FTO: variants seen among roughly 807,000 people sequenced by gnomAD.
FTO encodes the protein alpha-ketoglutarate-dependent dioxygenase FTO.
Under a neutral mutation model 63.9 loss-of-function variants are expected in FTO, and 47 were observed. That is an observed-to-expected ratio of 0.74 (90% CI 0.58 to 0.94). The LOEUF (loss-of-function observed/expected upper bound fraction) is 0.94, where lower values mean the gene tolerates loss of function less well. FTO is among the 40% of genes least tolerant of loss of function. The pLI is 0.00. For missense variants in FTO, 562 were observed against 618.1 expected, an observed-to-expected ratio of 0.91 and a Z score of 0.96; for synonymous variants, 207 against 224.4, an observed-to-expected ratio of 0.92 and a Z score of 0.69.
intron 8 of FTO, among the ~76,000 whole-genome samples, chr16:54,006,053 A>G (rs1280750366): frequency 5.3e-5 from 8 of 152,226 alleles, no homozygotes; most frequent in African/African-American, 1.4e-4. Flanking sequence ...TTTTATGATG[A>G]GCAGTTCCAG....
rs1033884403 is a variant in FTO at position 54,002,103 on chromosome 16, T to C, written c.1364+67994T>C. Among the ~76,000 whole-genome samples, 5 of 152,232 alleles carry C rather than the reference T, an allele frequency of 3.3e-5. No individual in the cohort carries two copies. In the East Asian group the frequency reaches 5.8e-4, roughly 18 times the overall value. ...CATTGACAGTGTCCAGCAGTCCTTT[T>C]ATCTGTTATAAAGCTAAATGCATGT... On this transcript the variant is annotated intron_variant, in intron 8 of 8. Transcript: ENST00000471389.
At chr16:53,830,427 C>T (rs1478358821) in intron 3 of FTO, among the ~76,000 whole-genome samples, 1 of 152,204 alleles carries the variant, frequency 6.6e-6, no homozygotes, top group Non-Finnish European at 1.5e-5. Flanking sequence ...TTGACTGGAA[C>T]ACCTTCAGAA....
chr16:53,822,341 G>A (rs1272906474), intron 2 of FTO, among the ~76,000 whole-genome samples: 1 of 152,024 alleles, frequency 6.6e-6, no homozygotes, highest in East Asian at 1.9e-4. Context: ...TCCAATATAA[G>A]AAGTATCTTC....
At chr16:53,760,265 T>G in intron 1 of FTO, among the ~76,000 whole-genome samples, 1 of 95,884 alleles carries the variant, frequency 1.0e-5, no homozygotes, top group Admixed American at 1.1e-4. Context: ...TGTGTGTTTT[T>G]TGGAGACAGG....
intron 7 of FTO, among the ~76,000 whole-genome samples, chr16:53,895,558 C>T (rs1178460957): frequency 1.3e-5 from 2 of 152,206 alleles, no homozygotes; most frequent in Non-Finnish European, 2.9e-5. Context: ...CTTAAAGCTG[C>T]TACAGCCTAC....
At chr16:54,058,377 C>A (rs1366820032) in intron 8 of FTO, among the ~76,000 whole-genome samples, 1 of 152,196 alleles carries the variant, frequency 6.6e-6, no homozygotes, top group Non-Finnish European at 1.5e-5. Flanking sequence ...CCCACCTCAG[C>A]CTCCCAAAGT....
intron 8 of FTO, among the ~76,000 whole-genome samples, chr16:54,073,011 T>G (rs1453036603): frequency 1.3e-5 from 2 of 152,194 alleles, no homozygotes; most frequent in African/African-American, 4.8e-5. Flanking sequence ...AGAAGGACCT[T>G]ATTAGGCTGT....
At chr16:53,756,309 T>C (rs986718669) in intron 1 of FTO, among the ~76,000 whole-genome samples, 1 of 152,196 alleles carries the variant, frequency 6.6e-6, no homozygotes, top group Non-Finnish European at 1.5e-5. Flanking sequence ...CCTTCCAGTG[T>C]TGGTGGCAGC....
At chr16:53,823,160 A>G (rs2078912801) in intron 2 of FTO, among the ~76,000 whole-genome samples, 2 of 152,212 alleles carry the variant, frequency 1.3e-5, no homozygotes, top group Non-Finnish European at 2.9e-5. Context: ...TGTCATTGCC[A>G]TCAGTGATTT....
intron 7 of FTO, among the ~76,000 whole-genome samples, chr16:53,906,529 G>A (rs1204564597): frequency 6.6e-6 from 1 of 152,332 alleles, no homozygotes; most frequent in East Asian, 1.9e-4. Context: ...TAAGGTGGAA[G>A]ATGATGTTGA....
At chr16:53,718,899 T>C (rs74018190) in intron 1 of FTO, among the ~76,000 whole-genome samples, 3,693 of 152,270 alleles carry the variant, frequency 0.024, 112 homozygotes, top group Middle Eastern at 0.078. Flanking sequence ...GGGATTCTTA[T>C]GGAAACCGCA....
intron 8 of FTO, among the ~76,000 whole-genome samples, chr16:53,951,973 T>C (rs757172963): frequency 6.6e-6 from 1 of 152,172 alleles, no homozygotes; most frequent in African/African-American, 2.4e-5. Flanking sequence ...GTTTCAATCA[T>C]AATTATGCTA....
intron 1 of FTO, among the ~76,000 whole-genome samples, chr16:53,753,542 C>T (rs2076848953): frequency 6.6e-6 from 1 of 151,982 alleles, no homozygotes. Flanking sequence ...CCTAGGAGGA[C>T]CCATAATTTA....
chr16:54,072,484 G>T (rs570455406), intron 8 of FTO: 3 of 152,336 alleles, frequency 2.0e-5, no homozygotes, highest in African/African-American at 7.2e-5. Flanking sequence ...TGCTGAAGGG[G>T]TGGCCAAGCA....
At chr16:53,904,034 CAT>C (rs998919266) in intron 7 of FTO, among the ~76,000 whole-genome samples, 9 of 151,480 alleles carry the variant, frequency 5.9e-5, no homozygotes, top group African/African-American at 1.5e-4. Context: ...AGACAATATA[CAT>C]ATATGTTATC....
chr16:53,825,723 G>A (rs1325115994), intron 2 of FTO, 141 bp from the exon 3 acceptor site: 3 of 886,838 alleles, frequency 3.4e-6, no homozygotes, highest in Non-Finnish European at 5.5e-6. Flanking sequence ...TTTTGGGCTA[G>A]GAAGATGTGA....
chr16:53,970,928 A>G (rs2083303014), intron 8 of FTO, among the ~76,000 whole-genome samples: 1 of 152,246 alleles, frequency 6.6e-6, no homozygotes, highest in South Asian at 2.1e-4. Flanking sequence ...TCTAAATAAT[A>G]GACAGTGTGG....
At chr16:53,725,329 TG>T (rs1478690758) in intron 1 of FTO, among the ~76,000 whole-genome samples, 8 of 152,232 alleles carry the variant, frequency 5.3e-5, no homozygotes, top group Non-Finnish European at 8.8e-5. Flanking sequence ...ATTATGCTGC[TG>T]GAAAGAGAAG....
intron 8 of FTO, among the ~76,000 whole-genome samples, chr16:54,051,249 A>T (rs1367112266): frequency 5.9e-5 from 9 of 152,004 alleles, no homozygotes; most frequent in African/African-American, 2.2e-4. Context: ...TGGGAGATTA[A>T]CTCTGCCCAG....
Sources: gnomAD v4.1 joint callset for allele counts (sites outside exome capture counted in the v4.1 genomes callset) on GRCh38, gnomAD v4.1.1 for gene constraint, MANE v1.5 for transcripts, NCBI Gene and HGNC (gene_info 2026-07-23, HGNC 2026-07-21) for gene names.